Variants in PRKG1 observed in about 807,000 individuals in gnomAD.
PRKG1 encodes the protein cGMP-dependent protein kinase 1.
A neutral mutation model predicts 88.1 loss-of-function variants in PRKG1; 35 were observed. The observed-to-expected ratio is 0.40, with a 90% confidence interval of 0.30 to 0.53. The LOEUF (loss-of-function observed/expected upper bound fraction) is 0.53. Ranked by LOEUF, PRKG1 falls within the 20% of genes least tolerant of loss-of-function variation. The pLI is 0.59. For synonymous variants in PRKG1, 303 were observed against 292.5 expected, an observed-to-expected ratio of 1.04 and a Z score of -0.37; for missense variants, 540 against 839.8, an observed-to-expected ratio of 0.64 and a Z score of 4.41.
chr10:52,290,206 C>T lies in PRKG1; in HGVS notation c.1896-18C>T, dbSNP rs780230231. 1.7e-5 allele frequency: 28 copies of T among 1,609,104 alleles called. No homozygotes were observed. The highest frequency in any genetic ancestry group is 1.7e-4 in the Middle Eastern group (1 of 6,016). ...AGCTGACACAAAATGTTTTTATCAA[C>T]GTTTTTTCCTTTTCTAGATGGTTTG... On this transcript the variant is annotated intron_variant, in intron 16 of 17. Transcript: ENST00000373980.
chr10:51,523,001 A>T (rs1312227420), intron 3 of PRKG1, among the ~76,000 whole-genome samples: 1 of 152,206 alleles, frequency 6.6e-6, no homozygotes, highest in Non-Finnish European at 1.5e-5. Flanking sequence ...ATTCAAAACA[A>T]TGTCCTTATT....
chr10:51,233,210 C>T (rs1838892389), intron 2 of PRKG1, among the ~76,000 whole-genome samples: 1 of 152,184 alleles, frequency 6.6e-6, no homozygotes, highest in African/African-American at 2.4e-5. Context: ...ACTCCGGTTT[C>T]TCTGAGACCA....
chr10:51,669,690 C>T (rs2132345442), intron 3 of PRKG1, among the ~76,000 whole-genome samples: 1 of 152,096 alleles, frequency 6.6e-6, no homozygotes, highest in Non-Finnish European at 1.5e-5. Flanking sequence ...CTATTTTGCC[C>T]CCAGTTAACT....
intron 5 of PRKG1, among the ~76,000 whole-genome samples, chr10:51,953,420 T>C (rs574588193): frequency 2.0e-5 from 3 of 152,290 alleles, no homozygotes; most frequent in African/African-American, 4.8e-5. Context: ...TGTAGCAGTG[T>C]GCTGGCATCA....
intron 2 of PRKG1, among the ~76,000 whole-genome samples, chr10:51,407,352 AAC>A (rs1375868370): frequency 6.6e-6 from 1 of 152,210 alleles, no homozygotes; most frequent in Non-Finnish European, 1.5e-5. Context: ...TACAACTGGA[AAC>A]ACACCAATCC....
chr10:51,083,132 C>T (rs1844155907), intron 1 of PRKG1, among the ~76,000 whole-genome samples: 1 of 152,116 alleles, frequency 6.6e-6, no homozygotes, highest in Admixed American at 6.5e-5. Context: ...GCTTCAGCTC[C>T]CCAATCTCCC....
intron 8 of PRKG1, among the ~76,000 whole-genome samples, chr10:52,140,729 G>C (rs1295930011): frequency 1.3e-5 from 2 of 152,062 alleles, no homozygotes; most frequent in Admixed American, 1.3e-4. Context: ...GGAAAGTAGA[G>C]GGGAGATTTG....
intron 3 of PRKG1, 91 bp downstream of exon 3, chr10:51,467,927 T>C (rs900047818): frequency 1.1e-5 from 11 of 1,043,198 alleles, no homozygotes; most frequent in Non-Finnish European, 1.5e-5. Flanking sequence ...ATTTAATCTT[T>C]ATACTTTTAT....
At chr10:51,304,012 G>T (rs1286920783) in intron 2 of PRKG1, among the ~76,000 whole-genome samples, 8 of 151,922 alleles carry the variant, frequency 5.3e-5, no homozygotes, top group Non-Finnish European at 1.2e-4. Flanking sequence ...TAGAGATGGG[G>T]TTTCGTCATG....
intron 2 of PRKG1, among the ~76,000 whole-genome samples, chr10:51,284,865 CTTTTTTTTTT>C (rs5784867): frequency 5.8e-5 from 3 of 51,698 alleles, no homozygotes; most frequent in Non-Finnish European, 7.1e-5. Context: ...GTTGTGGGTA[CTTTTTTTTTT>C]TTTTTTTTTT....
chr10:51,487,772 A>G (rs1358712618), intron 3 of PRKG1, among the ~76,000 whole-genome samples: 2 of 152,202 alleles, frequency 1.3e-5, no homozygotes, highest in African/African-American at 4.8e-5. Context: ...CTGAGAGCAT[A>G]TATCTGCCAG....
intron 9 of PRKG1, among the ~76,000 whole-genome samples, chr10:52,182,372 C>A (rs1839058911): frequency 1.2e-5 from 1 of 86,458 alleles, no homozygotes; most frequent in African/African-American, 5.6e-5. Flanking sequence ...AATTTTCTCC[C>A]ATTTTGTAGG....
intron 3 of PRKG1, among the ~76,000 whole-genome samples, chr10:51,477,054 T>C (rs1840216792): frequency 6.6e-6 from 1 of 151,924 alleles, no homozygotes; most frequent in Non-Finnish European, 1.5e-5. Context: ...ATTTCTAAAC[T>C]ATATCTCTCT....
At chr10:51,782,154 C>T (rs181380867) in intron 3 of PRKG1, among the ~76,000 whole-genome samples, 8 of 152,196 alleles carry the variant, frequency 5.3e-5, no homozygotes, top group Admixed American at 3.9e-4. Flanking sequence ...TAACTTTAAG[C>T]ACTTTTAAAG....
At chr10:51,546,117 A>G (rs1481889085) in intron 3 of PRKG1, among the ~76,000 whole-genome samples, 1 of 151,442 alleles carries the variant, frequency 6.6e-6, no homozygotes, top group African/African-American at 2.4e-5. Flanking sequence ...TTGTGTTTCT[A>G]GCCAGATAAT....
intron 2 of PRKG1, among the ~76,000 whole-genome samples, chr10:51,292,565 A>G (rs1840610912): frequency 2.0e-5 from 3 of 152,176 alleles, no homozygotes; most frequent in Admixed American, 2.0e-4. Flanking sequence ...AGTGAGAGTC[A>G]TTATTCTAAG....
intron 7 of PRKG1, among the ~76,000 whole-genome samples, chr10:52,074,428 T>C (rs1846581681): frequency 6.6e-6 from 1 of 152,172 alleles, no homozygotes; most frequent in African/African-American, 2.4e-5. Flanking sequence ...GTGGTGGAAA[T>C]TGAGCTACTT....
At chr10:51,399,353 C>T (rs1041356739) in intron 2 of PRKG1, among the ~76,000 whole-genome samples, 5 of 152,180 alleles carry the variant, frequency 3.3e-5, no homozygotes, top group Middle Eastern at 3.4e-3. Context: ...CTCATGAATA[C>T]AGCATGCTGC....
At chr10:51,610,364 A>G (rs556624408) in intron 3 of PRKG1, among the ~76,000 whole-genome samples, 1 of 152,074 alleles carries the variant, frequency 6.6e-6, no homozygotes, top group Non-Finnish European at 1.5e-5. Flanking sequence ...TTTAGTTCCA[A>G]CATATATGTG....
Sources: gnomAD v4.1 joint callset for allele counts (sites outside exome capture counted in the v4.1 genomes callset) on GRCh38, gnomAD v4.1.1 for gene constraint, MANE v1.5 for transcripts, NCBI Gene and HGNC (gene_info 2026-07-23, HGNC 2026-07-21) for gene names.